SYNPR: variants seen among roughly 807,000 people sequenced by gnomAD.
SYNPR encodes synaptoporin.
In SYNPR, 23 loss-of-function variants were observed where a neutral mutation model predicts 32.9. The ratio of observed to expected loss-of-function variants is 0.70; its 90% CI spans 0.50 to 0.99. The LOEUF is 0.99. SYNPR is among the 50% of genes least tolerant of loss of function. The pLI, the probability that SYNPR is intolerant of heterozygous loss-of-function variation, is 0.00. For missense variants in SYNPR, 318 were observed against 349.3 expected, an observed-to-expected ratio of 0.91 and a Z score of 0.71; for synonymous variants, 146 against 135.9, an observed-to-expected ratio of 1.07 and a Z score of -0.52.
chr3:63,419,243 G>A (rs1170862616), intron 2 of SYNPR, among the ~76,000 whole-genome samples: 1 of 152,214 alleles, frequency 6.6e-6, no homozygotes, highest in East Asian at 1.9e-4. Flanking sequence ...CTTGCCTTCA[G>A]GTCACTGTGT....
intron 2 of SYNPR, among the ~76,000 whole-genome samples, chr3:63,362,479 A>T (rs2087674563): frequency 6.6e-6 from 1 of 152,048 alleles, no homozygotes; most frequent in Non-Finnish European, 1.5e-5. Flanking sequence ...AGCTTCATGG[A>T]TGGGTTTATT....
At chr3:63,264,591 A>T (rs1473196580) in intron 2 of SYNPR, among the ~76,000 whole-genome samples, 2 of 152,202 alleles carry the variant, frequency 1.3e-5, no homozygotes, top group Non-Finnish European at 2.9e-5. Flanking sequence ...ATAGGGCCTA[A>T]TATTTTTGTT....
chr3:63,291,837 T>C (rs1372726766), intron 2 of SYNPR, among the ~76,000 whole-genome samples: 1 of 152,038 alleles, frequency 6.6e-6, no homozygotes, highest in East Asian at 1.9e-4. Flanking sequence ...TTTCTCTCTC[T>C]CTCTCTCTCT....
intron 5 of SYNPR, among the ~76,000 whole-genome samples, chr3:63,614,406 G>A (rs200557626): frequency 1.3e-5 from 2 of 152,120 alleles, no homozygotes; most frequent in African/African-American, 4.8e-5. Context: ...CTGGGGAGGC[G>A]ACACCCAGTC....
At chr3:63,315,112 G>A (rs1469295045) in intron 2 of SYNPR, among the ~76,000 whole-genome samples, 2 of 151,972 alleles carry the variant, frequency 1.3e-5, no homozygotes, top group African/African-American at 4.8e-5. Context: ...TTTTATCCCA[G>A]TACCATGCTG....
chr3:63,362,799 G>A (rs1260008209), intron 2 of SYNPR, among the ~76,000 whole-genome samples: 1 of 152,150 alleles, frequency 6.6e-6, no homozygotes, highest in Non-Finnish European at 1.5e-5. Context: ...ATCCAAAGAT[G>A]CCAATATGTT....
At chr3:63,254,253 G>A (rs894361915) in intron 2 of SYNPR, among the ~76,000 whole-genome samples, 1 of 151,998 alleles carries the variant, frequency 6.6e-6, no homozygotes, top group Non-Finnish European at 1.5e-5. Context: ...CAACAACATG[G>A]CACATGTATA....
intron 1 of SYNPR, among the ~76,000 whole-genome samples, chr3:63,232,191 A>ATTTTTT (rs1560163354): frequency 1.3e-5 from 1 of 76,198 alleles, no homozygotes; most frequent in African/African-American, 4.2e-5. Context: ...TCAGATTCTG[A>ATTTTTT]CTTTTTTTTT....
chr3:63,478,219 TA>T (rs1266477286), intron 2 of SYNPR, among the ~76,000 whole-genome samples: 4 of 152,224 alleles, frequency 2.6e-5, no homozygotes, highest in Non-Finnish European at 5.9e-5. Flanking sequence ...CATTCCTTCT[TA>T]AGTTTATTAT....
At chr3:63,251,526 T>C (rs1012862557) in intron 1 of SYNPR, among the ~76,000 whole-genome samples, 1 of 152,136 alleles carries the variant, frequency 6.6e-6, no homozygotes, top group Non-Finnish European at 1.5e-5. Context: ...GACATAATGC[T>C]GAAAGAATAG....
At chr3:63,417,587 C>T (rs766143434) in intron 2 of SYNPR, among the ~76,000 whole-genome samples, 1 of 152,278 alleles carries the variant, frequency 6.6e-6, no homozygotes, top group Non-Finnish European at 1.5e-5. Context: ...CCATGAGGGT[C>T]CTGCCCCTGC....
chr3:63,384,578 T>C (rs923389365), intron 2 of SYNPR, among the ~76,000 whole-genome samples: 6 of 152,220 alleles, frequency 3.9e-5, no homozygotes, highest in African/African-American at 1.2e-4. Flanking sequence ...CAATATGTGC[T>C]GACTAAGATA....
rs10566584 is a variant in SYNPR, at chr3:63,613,610, C to CAAAAAAAAA, written c.601-1593_601-1585dup. ...TGCCTCAGTTCAATTTATGCTGCAG[C>CAAAAAAAAA]AAAAAAAAAAAAAAAAAAAAAAAAA... On this transcript the variant is annotated intron_variant, in intron 5 of 5. Transcript: ENST00000478300. 5.4e-4 allele frequency among the ~76,000 whole-genome samples: 25 copies of CAAAAAAAAA among 46,044 alleles called. 2 individuals carry two copies. Among genetic ancestry groups the CAAAAAAAAA allele is most frequent in the East Asian group, 3.9e-3 (3 of 770 alleles). The allele number at this position is 46,044 out of a possible 152,430, so 30.2% of individuals were successfully genotyped here.
At chr3:63,558,555 C>A (rs1249126064) in intron 4 of SYNPR, among the ~76,000 whole-genome samples, 1 of 152,062 alleles carries the variant, frequency 6.6e-6, no homozygotes, top group Non-Finnish European at 1.5e-5. Context: ...GAGACAGGGT[C>A]TCAAACTTCT....
chr3:63,246,980 G>A (rs914012288), intron 1 of SYNPR, among the ~76,000 whole-genome samples: 27 of 152,100 alleles, frequency 1.8e-4, no homozygotes, highest in African/African-American at 6.5e-4. Context: ...ATACTTGGGT[G>A]ATGGGATGAT....
At chr3:63,516,736 A>G (rs2106764103) in intron 3 of SYNPR, among the ~76,000 whole-genome samples, 1 of 152,258 alleles carries the variant, frequency 6.6e-6, no homozygotes, top group East Asian at 1.9e-4. Context: ...GCAGAGTTCC[A>G]AAAGCAGAGG....
intron 2 of SYNPR, among the ~76,000 whole-genome samples, chr3:63,460,479 C>T (rs556821538): frequency 7.1e-6 from 1 of 141,470 alleles, no homozygotes; most frequent in African/African-American, 2.7e-5. Context: ...CAGAAAGCCT[C>T]TTTGGTTTTT....
chr3:63,232,255 G>T (rs1406411681), intron 1 of SYNPR, among the ~76,000 whole-genome samples: 5 of 130,838 alleles, frequency 3.8e-5, no homozygotes, highest in African/African-American at 1.4e-4. Flanking sequence ...AGGCTGGAGT[G>T]CAATGGCGTG....
At chr3:63,256,282 C>T (rs570381664) in intron 2 of SYNPR, among the ~76,000 whole-genome samples, 7 of 152,320 alleles carry the variant, frequency 4.6e-5, no homozygotes, top group Admixed American at 4.6e-4. Flanking sequence ...TCAAGTGTGT[C>T]CATGACCCCC....
Sources: gnomAD v4.1 joint callset for allele counts (sites outside exome capture counted in the v4.1 genomes callset) on GRCh38, gnomAD v4.1.1 for gene constraint, MANE v1.5 for transcripts, NCBI Gene and HGNC (gene_info 2026-07-23, HGNC 2026-07-21) for gene names.